The following EPB41L4A variants were observed in gnomAD, a reference collection of about 807,000 sequenced individuals.
The protein encoded by EPB41L4A is band 4.1-like protein 4A.
In EPB41L4A, 100 loss-of-function variants were observed where a neutral mutation model predicts 108.6. The ratio of observed to expected loss-of-function variants is 0.92; its 90% CI spans 0.78 to 1.09. The LOEUF (loss-of-function observed/expected upper bound fraction) is 1.09. Among genes scored for constraint, EPB41L4A ranks in the 50% least tolerant of loss-of-function variants. The pLI is 0.00. For synonymous variants in EPB41L4A, 319 were observed against 289.0 expected, an observed-to-expected ratio of 1.10 and a Z score of -1.05; for missense variants, 1,030 against 842.7, an observed-to-expected ratio of 1.22 and a Z score of -2.75.
chr5:112,147,109 T>C (rs1759287619), intron 12 of EPB41L4A, among the ~76,000 whole-genome samples: 1 of 152,190 alleles, frequency 6.6e-6, no homozygotes, highest in South Asian at 2.1e-4. Flanking sequence ...GTGCTTGGCT[T>C]GTACTGCCAC....
chr5:112,178,730 C>A (rs551929859), intron 18 of EPB41L4A, among the ~76,000 whole-genome samples: 1 of 151,352 alleles, frequency 6.6e-6, no homozygotes, highest in African/African-American at 2.4e-5. Context: ...TGTATGATAA[C>A]AAAAACAATG....
chr5:112,214,753 A>G (rs371048065), intron 12 of EPB41L4A, among the ~76,000 whole-genome samples: 1 of 152,068 alleles, frequency 6.6e-6, no homozygotes, highest in African/African-American at 2.4e-5. Context: ...GCGACAGAGC[A>G]AGACTCCATC....
chr5:112,325,808 C>A (rs1483441760), intron 1 of EPB41L4A, among the ~76,000 whole-genome samples: 1 of 152,092 alleles, frequency 6.6e-6, no homozygotes, highest in Non-Finnish European at 1.5e-5. Context: ...GATAACTGAA[C>A]TCAGTAAAGG....
intron 12 of EPB41L4A, among the ~76,000 whole-genome samples, chr5:112,155,747 A>G (rs1759623380): frequency 6.6e-6 from 1 of 152,178 alleles, no homozygotes; most frequent in South Asian, 2.1e-4. Flanking sequence ...CAACAACTAT[A>G]TTATTTGGGG....
At chr5:112,192,651 C>T (rs933899960) in intron 17 of EPB41L4A, among the ~76,000 whole-genome samples, 1 of 152,144 alleles carries the variant, frequency 6.6e-6, no homozygotes, top group African/African-American at 2.4e-5. Context: ...GAGAAAATAC[C>T]TACAAGAAAT....
chr5:112,415,868 A>G (rs113327610), intron 1 of EPB41L4A, among the ~76,000 whole-genome samples: 1,741 of 152,312 alleles, frequency 0.011, 32 homozygotes, highest in African/African-American at 0.038. Flanking sequence ...CTGCATGAAT[A>G]AGACTTTCTG....
At chr5:112,205,274 C>CG (rs373807306) in intron 14 of EPB41L4A, 147 bp downstream of exon 14, 18 of 756,832 alleles carry the variant, frequency 2.4e-5, no homozygotes, top group Non-Finnish European at 3.1e-5. Context: ...GCCCCTCTCC[C>CG]CTGGGTCACA....
At chr5:112,302,390 A>G (rs1319080338) in intron 2 of EPB41L4A, among the ~76,000 whole-genome samples, 3 of 152,160 alleles carry the variant, frequency 2.0e-5, no homozygotes, top group African/African-American at 4.8e-5. Flanking sequence ...CATTTTTTAA[A>G]AAGAGCAGAT....
intron 18 of EPB41L4A, among the ~76,000 whole-genome samples, chr5:112,178,683 CAA>C (rs770734928): frequency 2.7e-5 from 4 of 150,548 alleles, no homozygotes; most frequent in Non-Finnish European, 4.4e-5. Flanking sequence ...ATGCCAGCAT[CAA>C]AAAAAGACAA....
chr5:112,406,627 G>C (rs749259405), intron 1 of EPB41L4A, among the ~76,000 whole-genome samples: 3 of 152,072 alleles, frequency 2.0e-5, no homozygotes, highest in African/African-American at 7.2e-5. Flanking sequence ...TTAATTTAAG[G>C]GCTGGGGGTG....
intron 20 of EPB41L4A, chr5:112,170,053 A>G (rs1760485356): frequency 2.3e-6 from 1 of 441,670 alleles, no homozygotes. Context: ...TAAAACTGAC[A>G]TTAATCAGGA....
At chr5:112,329,236 A>G (rs1756390854) in intron 1 of EPB41L4A, among the ~76,000 whole-genome samples, 1 of 152,260 alleles carries the variant, frequency 6.6e-6, no homozygotes, top group African/African-American at 2.4e-5. Context: ...ATTGAATTAA[A>G]TAAAACGTTA....
Position 112,295,272 on chromosome 5 carries a change from A to C in EPB41L4A, c.204+12114T>G, listed in dbSNP as rs528406267. Among the ~76,000 whole-genome samples the C allele has an allele frequency of 2.1e-4, 32 of 152,312 alleles. No homozygotes were observed. In the Middle Eastern group the frequency reaches 0.01, roughly 49 times the overall value. Reference sequence around the variant, plus strand: ...ATGATGTAGTTGGGAATGACACCCAAGATTCTAGCTTGAGCAATTGGGTAG... The same window carrying C: ...ATGATGTAGTTGGGAATGACACCCACGATTCTAGCTTGAGCAATTGGGTAG... On this transcript the variant is annotated intron_variant, in intron 2 of 22. Coordinates refer to ENST00000261486, the MANE Select transcript of EPB41L4A (RefSeq NM_022140.5).
rs1006621416 is a variant in EPB41L4A at position 112,275,505 on chromosome 5, C to G, written c.257-101G>C. On this transcript the variant is annotated intron_variant, in intron 3 of 22. Transcript: ENST00000261486. ...ATTTACAATTACACTCCAAGATTGT[C>G]TAAAGAAACAAGAAAACATAAGATA... The G allele has an allele frequency of 5.0e-5, 65 of 1,300,388 alleles. No homozygotes were observed. The Admixed American group carries it at 7.4e-4, about 15-fold the overall frequency. 80.6% of individuals were successfully genotyped at this position (1,300,388 alleles called of 1,614,324 possible). A position where few individuals can be genotyped will look rare whatever the true frequency, so the allele number is the denominator to read the frequency against.
At chr5:112,367,077 G>A (rs1230354339) in intron 1 of EPB41L4A, among the ~76,000 whole-genome samples, 1 of 152,182 alleles carries the variant, frequency 6.6e-6, no homozygotes, top group African/African-American at 2.4e-5. Context: ...ACAGGCAGAT[G>A]AGGCTAGCCC....
chr5:112,266,025 T>C (rs143363194), intron 5 of EPB41L4A, among the ~76,000 whole-genome samples: 65 of 152,350 alleles, frequency 4.3e-4, no homozygotes, highest in Admixed American at 1.5e-3. Flanking sequence ...TAAACCTCCA[T>C]ACGACCTACC....
intron 13 of EPB41L4A, among the ~76,000 whole-genome samples, chr5:112,207,994 T>C (rs1196581357): frequency 6.6e-6 from 1 of 152,088 alleles, no homozygotes; most frequent in East Asian, 1.9e-4. Flanking sequence ...ACACCTGTAA[T>C]CCCAGCACTT....
At chr5:112,388,783 G>C (rs1159740804) in intron 1 of EPB41L4A, among the ~76,000 whole-genome samples, 4 of 152,116 alleles carry the variant, frequency 2.6e-5, no homozygotes, top group Non-Finnish European at 5.9e-5. Flanking sequence ...TCATTATTTG[G>C]TTTGCAGAAC....
At chr5:112,277,536 C>T (rs1015927147) in intron 3 of EPB41L4A, among the ~76,000 whole-genome samples, 1 of 152,040 alleles carries the variant, frequency 6.6e-6, no homozygotes, top group Non-Finnish European at 1.5e-5. Context: ...TGATTCTCAA[C>T]AACAAAAACT....
Sources: allele counts gnomAD v4.1 joint callset (sites outside exome capture counted in the v4.1 genomes callset), GRCh38; gene constraint gnomAD v4.1.1; transcripts MANE v1.5; gene names NCBI Gene and HGNC (gene_info 2026-07-23, HGNC 2026-07-21).